The following IL1RAPL1 variants were observed in gnomAD, a reference collection of about 807,000 sequenced individuals.
IL1RAPL1 encodes interleukin-1 receptor accessory protein-like 1.
A neutral mutation model predicts 48.4 loss-of-function variants in IL1RAPL1; 3 were observed. That is an observed-to-expected ratio of 0.06 (90% CI 0.03 to 0.16). IL1RAPL1 has a LOEUF of 0.16. IL1RAPL1 is among the 10% of genes least tolerant of loss of function. IL1RAPL1 has a pLI of 1.00. For missense variants in IL1RAPL1, 349 were observed against 530.6 expected, an observed-to-expected ratio of 0.66 and a Z score of 3.36; for synonymous variants, 185 against 187.7, an observed-to-expected ratio of 0.99 and a Z score of 0.12.
chrX:29,479,411 T>A (rs1935012206), intron 5 of IL1RAPL1, among the ~76,000 whole-genome samples: 1 of 25,049 alleles, frequency 4.0e-5, no homozygotes, highest in Non-Finnish European at 6.8e-5. Flanking sequence ...CGAGACCCTG[T>A]CTCAAAAAAA....
intron 3 of IL1RAPL1, among the ~76,000 whole-genome samples, chrX:29,311,329 C>T (rs1045299667): frequency 8.9e-6 from 1 of 111,736 alleles, no homozygotes; most frequent in African/African-American, 3.2e-5. Flanking sequence ...GGCAGAGTTG[C>T]ATTACAATTT....
intron 1 of IL1RAPL1, among the ~76,000 whole-genome samples, chrX:28,677,097 T>C (rs1293391048): frequency 1.8e-5 from 2 of 112,056 alleles, no homozygotes; most frequent in Non-Finnish European, 3.8e-5. Context: ...CTTATACAAG[T>C]CAACTAATTT....
At chrX:29,133,803 T>A (rs1377362103) in intron 2 of IL1RAPL1, among the ~76,000 whole-genome samples, 5 of 111,737 alleles carry the variant, frequency 4.5e-5, no homozygotes, top group Non-Finnish European at 9.4e-5. Flanking sequence ...CAGAATAGTT[T>A]TATTGCCTTA....
chrX:29,856,703 T>C (rs2147201485), intron 6 of IL1RAPL1, among the ~76,000 whole-genome samples: 1 of 111,943 alleles, frequency 8.9e-6, no homozygotes, highest in African/African-American at 3.2e-5. Flanking sequence ...TTTATATTTC[T>C]CGACTATACC....
intron 6 of IL1RAPL1, among the ~76,000 whole-genome samples, chrX:29,726,340 T>C (rs915309485): frequency 6.2e-5 from 7 of 112,398 alleles, no homozygotes; most frequent in Non-Finnish European, 1.1e-4. Flanking sequence ...AAATGCATTA[T>C]ACCTCACATA....
chrX:28,738,217 T>C (rs1293669630), intron 1 of IL1RAPL1, among the ~76,000 whole-genome samples: 1 of 111,538 alleles, frequency 9.0e-6, no homozygotes, highest in Non-Finnish European at 1.9e-5. Context: ...AACTAGTTTA[T>C]GGGAACTAGA....
intron 2 of IL1RAPL1, among the ~76,000 whole-genome samples, chrX:28,795,252 C>T (rs1936596658): frequency 9.0e-6 from 1 of 110,685 alleles, no homozygotes. Flanking sequence ...TTTAATATTC[C>T]TTTGAAATTA....
At position 29,724,213 on chromosome X, in the gene IL1RAPL1, C is replaced by T. The variant is rs753983292; in HGVS notation, c.778+55709C>T. Among the ~76,000 whole-genome samples the T allele has an allele frequency of 4.5e-5, 5 of 111,555 alleles. No individual in the cohort carries two copies. In the East Asian group the frequency reaches 1.4e-3, roughly 31 times the overall value. On this transcript the variant is annotated intron_variant, in intron 6 of 10. Transcript: ENST00000378993. ...GAGTTACAAATAAAACATAGCTCTTCGGTCTGCTCCCAGATCCTCCTCACT... is the reference window on the plus strand; with the variant it reads ...GAGTTACAAATAAAACATAGCTCTTTGGTCTGCTCCCAGATCCTCCTCACT...
At chrX:28,816,512 C>G (rs757820297) in intron 2 of IL1RAPL1, among the ~76,000 whole-genome samples, 148 of 110,811 alleles carry the variant, frequency 1.3e-3, no homozygotes, top group Admixed American at 2.8e-3. Context: ...GTTTTCTGTT[C>G]CTGTGTTATT....
At chrX:29,420,884 T>G (rs1428623053) in intron 5 of IL1RAPL1, among the ~76,000 whole-genome samples, 1 of 112,063 alleles carries the variant, frequency 8.9e-6, no homozygotes, top group Non-Finnish European at 1.9e-5. Flanking sequence ...TCATTGTTCT[T>G]GAATTAGTAG....
chrX:28,737,280 A>G (rs1935854772), intron 1 of IL1RAPL1, among the ~76,000 whole-genome samples: 1 of 69,692 alleles, frequency 1.4e-5, no homozygotes, highest in Admixed American at 1.7e-4. Flanking sequence ...TTTTTGAGAT[A>G]GAGTCTCACT....
intron 1 of IL1RAPL1, among the ~76,000 whole-genome samples, chrX:28,718,204 A>C (rs1041245050): frequency 3.6e-5 from 4 of 111,498 alleles, no homozygotes; most frequent in Non-Finnish European, 7.6e-5. Flanking sequence ...TACATCAGTA[A>C]AATGCATTAA....
intron 9 of IL1RAPL1, among the ~76,000 whole-genome samples, chrX:29,953,501 G>T (rs972072491): frequency 1.8e-5 from 2 of 111,881 alleles, no homozygotes; most frequent in Non-Finnish European, 3.8e-5. Flanking sequence ...AGGGGGAAGA[G>T]TAAGGAGAGA....
intron 6 of IL1RAPL1, among the ~76,000 whole-genome samples, chrX:29,710,628 T>A (rs949878352): frequency 9.5e-6 from 1 of 105,668 alleles, no homozygotes; most frequent in Non-Finnish European, 1.9e-5. Context: ...ATATAATATA[T>A]ATATAATGTT....
At chrX:29,140,928 T>A (rs192431104) in intron 2 of IL1RAPL1, among the ~76,000 whole-genome samples, 37 of 111,195 alleles carry the variant, frequency 3.3e-4, no homozygotes, top group Admixed American at 2.9e-3. Flanking sequence ...AACATATGAG[T>A]TTTGAGAGGA....
chrX:28,947,066 A>G (rs1467271009), intron 2 of IL1RAPL1, among the ~76,000 whole-genome samples: 5 of 111,248 alleles, frequency 4.5e-5, no homozygotes, highest in African/African-American at 1.6e-4. Flanking sequence ...AAGTTGTTCC[A>G]TTTTTCTTTT....
At chrX:29,131,116 C>G (rs1240149574) in intron 2 of IL1RAPL1, among the ~76,000 whole-genome samples, 2 of 109,890 alleles carry the variant, frequency 1.8e-5, no homozygotes. Flanking sequence ...TATAGTAGCC[C>G]AGTGCCAACT....
intron 6 of IL1RAPL1, among the ~76,000 whole-genome samples, chrX:29,711,959 G>A (rs1927363839): frequency 9.0e-6 from 1 of 111,300 alleles, no homozygotes; most frequent in Non-Finnish European, 1.9e-5. Flanking sequence ...AAGATGGTAA[G>A]AAGTTTTGAG....
At chrX:29,358,146 A>ATTCTGTT (rs1933329165) in intron 3 of IL1RAPL1, among the ~76,000 whole-genome samples, 1 of 111,036 alleles carries the variant, frequency 9.0e-6, no homozygotes, top group Non-Finnish European at 1.9e-5. Context: ...TTGGAGAAGG[A>ATTCTGTT]TTCTGTTTTT....
Sources: allele counts gnomAD v4.1 joint callset (sites outside exome capture counted in the v4.1 genomes callset), GRCh38; gene constraint gnomAD v4.1.1; transcripts MANE v1.5; gene names NCBI Gene and HGNC (gene_info 2026-07-23, HGNC 2026-07-21).